The following NFIL3 variants were observed in gnomAD, a reference collection of about 807,000 sequenced individuals.
The protein encoded by NFIL3 is nuclear factor, interleukin 3 regulated, also known as nuclear factor interleukin-3-regulated protein.
Under a neutral mutation model 10.0 loss-of-function variants are expected in NFIL3, and 5 were observed. The ratio of observed to expected loss-of-function variants is 0.50; its 90% CI spans 0.26 to 1.06. The LOEUF (loss-of-function observed/expected upper bound fraction) is 1.06, where lower values mean the gene tolerates loss of function less well. Ranked by LOEUF, NFIL3 falls within the 50% of genes least tolerant of loss-of-function variation. The pLI, the probability that NFIL3 is intolerant of heterozygous loss-of-function variation, is 0.13. For synonymous variants in NFIL3, 202 were observed against 206.5 expected (o/e 0.98, Z 0.19); for missense variants, 436 against 547.6 (o/e 0.80, Z 2.03).
the NFIL3 span, among the ~76,000 whole-genome samples, chr9:91,432,293 A>G: frequency 2.0e-5 from 3 of 152,190 alleles, no homozygotes; most frequent in African/African-American, 7.2e-5. Flanking sequence ...GGGGCACTGT[A>G]GTCAACCTGG....
chr9:91,418,333 T>C (rs1397326602), intron 1 of NFIL3, among the ~76,000 whole-genome samples: 1 of 152,192 alleles, frequency 6.6e-6, no homozygotes, highest in Non-Finnish European at 1.5e-5. Flanking sequence ...TAGCAACTAA[T>C]CTGAAATCTT....
the NFIL3 span, among the ~76,000 whole-genome samples, chr9:91,456,200 T>C: frequency 1.3e-4 from 20 of 152,212 alleles, no homozygotes; most frequent in Non-Finnish European, 2.4e-4. Context: ...TTTGGGCTAT[T>C]ACAAATTGTT....
At chr9:91,479,812 G>A in the NFIL3 span, among the ~76,000 whole-genome samples, 174 of 152,334 alleles carry the variant, frequency 1.1e-3, no homozygotes, top group Non-Finnish European at 2.0e-3. Flanking sequence ...CCTGGTCTGC[G>A]GGTTGCAAAG....
chr9:91,462,689 T>A, the NFIL3 span, among the ~76,000 whole-genome samples: 1 of 151,932 alleles, frequency 6.6e-6, no homozygotes, highest in Non-Finnish European at 1.5e-5. Context: ...GTTTAGGTAT[T>A]AAGATAATGC....
the NFIL3 span, among the ~76,000 whole-genome samples, chr9:91,442,206 C>A: frequency 6.6e-6 from 1 of 152,032 alleles, no homozygotes; most frequent in Non-Finnish European, 1.5e-5. Context: ...GACAGCTTTG[C>A]TAGATTTAGT....
At chr9:91,445,486 C>T in the NFIL3 span, among the ~76,000 whole-genome samples, 5 of 152,152 alleles carry the variant, frequency 3.3e-5, no homozygotes, top group Non-Finnish European at 5.9e-5. Flanking sequence ...TTTAGGGAGG[C>T]AGGGCCTTTA....
the NFIL3 span, among the ~76,000 whole-genome samples, chr9:91,444,606 A>T: frequency 6.6e-6 from 1 of 152,086 alleles, no homozygotes; most frequent in African/African-American, 2.4e-5. Flanking sequence ...TCACCCACAG[A>T]TGGGCTTGAG....
At chr9:91,454,447 C>T in the NFIL3 span, among the ~76,000 whole-genome samples, 1 of 151,856 alleles carries the variant, frequency 6.6e-6, no homozygotes, top group Non-Finnish European at 1.5e-5. Flanking sequence ...AGTAAAACCA[C>T]AAAGTCTTGA....
upstream of NFIL3, among the ~76,000 whole-genome samples, chr9:91,427,874 G>A (rs1464695680): frequency 6.6e-6 from 1 of 151,918 alleles, no homozygotes; most frequent in East Asian, 1.9e-4. Context: ...TCAAACTCCT[G>A]GGCTCAAGCA....
At chr9:91,422,005 T>G (rs961601983) in intron 1 of NFIL3, among the ~76,000 whole-genome samples, 1 of 152,150 alleles carries the variant, frequency 6.6e-6, no homozygotes, top group Non-Finnish European at 1.5e-5. Flanking sequence ...CTAACCTATA[T>G]CTGTTTCCCA....
At chr9:91,422,826 G>A (rs965038808) in intron 1 of NFIL3, among the ~76,000 whole-genome samples, 7 of 152,178 alleles carry the variant, frequency 4.6e-5, no homozygotes, top group Non-Finnish European at 7.3e-5. Flanking sequence ...AGCAATTCTT[G>A]CTTTTAGGTT....
chr9:91,462,878 A>G, the NFIL3 span, among the ~76,000 whole-genome samples: 1 of 151,710 alleles, frequency 6.6e-6, no homozygotes, highest in Non-Finnish European at 1.5e-5. Flanking sequence ...TGCTTAATGG[A>G]CATAAAATAT....
the NFIL3 span, among the ~76,000 whole-genome samples, chr9:91,448,228 T>C: frequency 6.6e-6 from 1 of 152,174 alleles, no homozygotes; most frequent in African/African-American, 2.4e-5. Context: ...TATAACAGAA[T>C]ACCTGAGGCT....
the NFIL3 span, among the ~76,000 whole-genome samples, chr9:91,462,817 G>C: frequency 9.2e-6 from 1 of 108,260 alleles, no homozygotes; most frequent in Admixed American, 1.4e-4. Context: ...AAGGCCCAAT[G>C]TTTTTTTTGG....
At chr9:91,416,174 T>A (rs1300986494) in intron 1 of NFIL3, among the ~76,000 whole-genome samples, 4 of 151,552 alleles carry the variant, frequency 2.6e-5, no homozygotes, top group South Asian at 2.1e-4. Flanking sequence ...TTTTTTTTTT[T>A]AACAAATCCA....
chr9:91,466,214 C>A, the NFIL3 span, among the ~76,000 whole-genome samples: 1 of 152,048 alleles, frequency 6.6e-6, no homozygotes. Context: ...TTAATATTAC[C>A]ATGCCCTGCA....
At position 91,409,143 on chromosome 9, in the gene NFIL3, ACTAT is replaced by A; in HGVS notation, c.*199_*202del. On this transcript the variant is annotated 3_prime_UTR_variant, in exon 2 of 2. Transcript: ENST00000297689. ...TTCAATATATACAGCCTTCGCATGG[ACTAT>A]CTGACTATACACAGGCAGAGTGATA... The A allele has an allele frequency of 3.8e-6, 2 of 529,128 alleles. No individual in the cohort carries two copies. Among genetic ancestry groups the A allele is most frequent in the Non-Finnish European group, 6.5e-6 (2 of 306,004 alleles). 32.8% of individuals were successfully genotyped at this position (529,128 alleles called of 1,614,324 possible).
At chr9:91,441,860 G>A in the NFIL3 span, among the ~76,000 whole-genome samples, 4 of 152,046 alleles carry the variant, frequency 2.6e-5, no homozygotes, top group African/African-American at 9.7e-5. Context: ...ACCACTTATG[G>A]TAGCTTTCGT....
In NFIL3 at chr9:91,417,424, TCTTTATA is replaced by T. The variant is rs561807704; in HGVS notation, c.-173+6209_-173+6215del. ...TCAAATCAATTAATCAATTCACATC[TCTTTATA>T]CTTTTAAAGTATGAATACTAGCAAT... On this transcript the variant is annotated intron_variant, in intron 1 of 1. Transcript: ENST00000297689. 8.4e-4 allele frequency among the ~76,000 whole-genome samples: 128 copies of T among 152,334 alleles called. 1 individual carries two copies. The Middle Eastern group carries it at 0.01, about 12-fold the overall frequency.
Sources: gnomAD v4.1 joint callset for allele counts (sites outside exome capture counted in the v4.1 genomes callset) on GRCh38, gnomAD v4.1.1 for gene constraint, MANE v1.5 for transcripts, NCBI Gene and HGNC (gene_info 2026-07-23, HGNC 2026-07-21) for gene names.